Variants in KCNQ5 observed in about 807,000 individuals in gnomAD.
KCNQ5 encodes potassium voltage-gated channel subfamily Q member 5, also known as potassium voltage-gated channel subfamily KQT member 5.
KCNQ5 carries 30 observed loss-of-function variants against 98.2 expected under a neutral mutation model. That is an observed-to-expected ratio of 0.31 (90% CI 0.23 to 0.41). The LOEUF is 0.41. Among genes scored for constraint, KCNQ5 ranks in the 10% least tolerant of loss-of-function variants. KCNQ5 has a pLI of 1.00. For missense variants in KCNQ5, 835 were observed against 1,182.5 expected (o/e 0.71, Z 4.31); for synonymous variants, 458 against 449.4 (o/e 1.02, Z -0.24).
At chr6:72,809,507 G>T (rs968630035) in intron 1 of KCNQ5, among the ~76,000 whole-genome samples, 2 of 151,830 alleles carry the variant, frequency 1.3e-5, no homozygotes, top group African/African-American at 4.8e-5. Flanking sequence ...AGCTGAGATC[G>T]TGCCACTGCA....
chr6:72,814,140 C>G (rs1775384741), intron 1 of KCNQ5, among the ~76,000 whole-genome samples: 1 of 152,182 alleles, frequency 6.6e-6, no homozygotes, highest in African/African-American at 2.4e-5. Flanking sequence ...CATTTTGAAT[C>G]TAGGAACAGA....
At chr6:73,089,684 C>T (rs1202765016) in intron 5 of KCNQ5, among the ~76,000 whole-genome samples, 1 of 152,116 alleles carries the variant, frequency 6.6e-6, no homozygotes, top group African/African-American at 2.4e-5. Context: ...TCCTGAGTTA[C>T]TTCACTTAGA....
intron 1 of KCNQ5, among the ~76,000 whole-genome samples, chr6:72,876,428 A>G (rs1217631461): frequency 6.6e-6 from 1 of 152,196 alleles, no homozygotes; most frequent in Non-Finnish European, 1.5e-5. Flanking sequence ...AATACTCATA[A>G]AAACAATAAA....
chr6:73,182,988 C>T (rs77910901), intron 11 of KCNQ5, among the ~76,000 whole-genome samples: 7,307 of 152,144 alleles, frequency 0.048, 197 homozygotes, highest in East Asian at 0.1. Context: ...CCAGAAGGGA[C>T]CTTATGAGAG....
intron 3 of KCNQ5, among the ~76,000 whole-genome samples, chr6:73,047,110 G>C (rs1772001865): frequency 6.6e-6 from 1 of 152,110 alleles, no homozygotes; most frequent in Non-Finnish European, 1.5e-5. Context: ...TGTCTTTACT[G>C]TTTATTAGCA....
intron 1 of KCNQ5, among the ~76,000 whole-genome samples, chr6:72,879,774 A>G (rs1413906626): frequency 1.3e-5 from 2 of 151,980 alleles, no homozygotes; most frequent in Admixed American, 1.3e-4. Context: ...GATTTTTTTT[A>G]AAGTCTAATT....
intron 11 of KCNQ5, among the ~76,000 whole-genome samples, chr6:73,173,158 A>G (rs1268614003): frequency 2.0e-5 from 3 of 152,218 alleles, no homozygotes; most frequent in African/African-American, 4.8e-5. Flanking sequence ...TTAGTTTTGT[A>G]TATTTCTTCC....
intron 1 of KCNQ5, among the ~76,000 whole-genome samples, chr6:72,754,171 C>T (rs7765507): frequency 0.11 from 16,587 of 151,890 alleles, 2,895 homozygotes; most frequent in African/African-American, 0.37. Context: ...CTTAAGGTGC[C>T]TTTTTTCAGG....
chr6:73,055,108 C>A, intron 3 of KCNQ5: 1 of 742,072 alleles, frequency 1.3e-6, no homozygotes, highest in South Asian at 1.4e-5. Context: ...TGGCCACCTA[C>A]AAACTGGTGC....
chr6:73,026,659 G>A (rs1770903282), intron 2 of KCNQ5, among the ~76,000 whole-genome samples: 1 of 152,064 alleles, frequency 6.6e-6, no homozygotes, highest in Non-Finnish European at 1.5e-5. Flanking sequence ...TGTTTACTCT[G>A]TTCAGTTCTG....
chr6:72,759,527 G>C (rs1033039134), intron 1 of KCNQ5, among the ~76,000 whole-genome samples: 2 of 152,140 alleles, frequency 1.3e-5, no homozygotes, highest in Admixed American at 1.3e-4. Context: ...ATATCTGGCA[G>C]AGGCATCACT....
intron 1 of KCNQ5, among the ~76,000 whole-genome samples, chr6:72,982,603 C>T (rs1280835908): frequency 6.7e-6 from 1 of 149,394 alleles, no homozygotes; most frequent in Non-Finnish European, 1.5e-5. Context: ...ATACAGCACA[C>T]TGATGGGTCT....
intron 1 of KCNQ5, among the ~76,000 whole-genome samples, chr6:72,997,619 CAA>C (rs35188576): frequency 7.9e-6 from 1 of 126,316 alleles, no homozygotes; most frequent in African/African-American, 2.9e-5. Flanking sequence ...ACTAAAAATA[CAA>C]AAAAAAAAAA....
intron 1 of KCNQ5, among the ~76,000 whole-genome samples, chr6:72,813,604 G>T (rs956886689): frequency 6.9e-6 from 1 of 144,418 alleles, no homozygotes; most frequent in African/African-American, 2.5e-5. Flanking sequence ...GTCCCTAGGT[G>T]TCCAAGAGGT....
chr6:73,043,688 T>G (rs1256045261), intron 3 of KCNQ5, among the ~76,000 whole-genome samples: 1 of 152,224 alleles, frequency 6.6e-6, no homozygotes, highest in African/African-American at 2.4e-5. Flanking sequence ...GGTCAGTTCA[T>G]GGATGACTGG....
intron 1 of KCNQ5, among the ~76,000 whole-genome samples, chr6:72,862,199 G>A (rs1291732157): frequency 6.6e-6 from 1 of 152,200 alleles, no homozygotes; most frequent in Non-Finnish European, 1.5e-5. Flanking sequence ...GTCAGCTGTA[G>A]CTGGGCTAAC....
intron 1 of KCNQ5, among the ~76,000 whole-genome samples, chr6:72,722,248 G>T (rs1024934119): frequency 6.6e-6 from 1 of 152,194 alleles, no homozygotes; most frequent in Non-Finnish European, 1.5e-5. Context: ...AAGGCATACT[G>T]TCCCTTTGCT....
intron 1 of KCNQ5, among the ~76,000 whole-genome samples, chr6:72,894,262 G>A (rs992587952): frequency 3.9e-5 from 6 of 152,246 alleles, no homozygotes; most frequent in African/African-American, 1.4e-4. Flanking sequence ...TACACTTCTT[G>A]TGGGTTCATT....
At chr6:72,830,343 G>C (rs929007241) in intron 1 of KCNQ5, among the ~76,000 whole-genome samples, 12 of 152,100 alleles carry the variant, frequency 7.9e-5, no homozygotes, top group Non-Finnish European at 1.5e-4. Context: ...ATACTACAAG[G>C]CTACAGTAAC....
Sources: allele counts gnomAD v4.1 joint callset (sites outside exome capture counted in the v4.1 genomes callset), GRCh38; gene constraint gnomAD v4.1.1; transcripts MANE v1.5; gene names NCBI Gene and HGNC (gene_info 2026-07-23, HGNC 2026-07-21).